The following GALK2 variants were observed in gnomAD, a reference collection of about 807,000 sequenced individuals.
The protein encoded by GALK2 is galactokinase 2.
A neutral mutation model predicts 52.4 loss-of-function variants in GALK2; 36 were observed. The observed-to-expected ratio is 0.69, with a 90% confidence interval of 0.53 to 0.91. GALK2 has a LOEUF of 0.91. Among genes scored for constraint, GALK2 ranks in the 40% least tolerant of loss-of-function variants. The pLI is 0.00. For missense variants in GALK2, 579 were observed against 559.1 expected (o/e 1.04, Z -0.36); for synonymous variants, 176 against 199.1 (o/e 0.88, Z 0.98).
At chr15:49,333,494 T>G (rs915883488), downstream of GALK2, among the ~76,000 whole-genome samples, 2 of 152,214 alleles carry the variant, frequency 1.3e-5, no homozygotes, top group Non-Finnish European at 2.9e-5. Context: ...CTATGTGGAT[T>G]TGATTTTTGG....
At chr15:49,213,296 A>G (rs1437653999) in intron 2 of GALK2, among the ~76,000 whole-genome samples, 2 of 152,190 alleles carry the variant, frequency 1.3e-5, no homozygotes, top group African/African-American at 4.8e-5. Context: ...ATTTATGCAT[A>G]ACTACTCTTG....
chr15:49,333,346 C>G (rs1388301911), downstream of GALK2, among the ~76,000 whole-genome samples: 2 of 152,150 alleles, frequency 1.3e-5, no homozygotes, highest in Non-Finnish European at 2.9e-5. Context: ...CTTTAACAAG[C>G]ACGTGAGATT....
chr15:49,296,832 C>T (rs1047681310), intron 8 of GALK2, among the ~76,000 whole-genome samples: 4 of 152,194 alleles, frequency 2.6e-5, no homozygotes, highest in Non-Finnish European at 5.9e-5. Flanking sequence ...AACTCCTGAC[C>T]TCGTGATTCA....
rs192210165 is a variant in GALK2, at chr15:49,277,604, T to C, written c.505-4383T>C. Among the ~76,000 whole-genome samples the C allele has an allele frequency of 5.9e-3, 875 of 148,990 alleles. 14 individuals are homozygous for C. Among genetic ancestry groups the C allele is most frequent in the African/African-American group, 0.02 (829 of 40,666 alleles). On this transcript the variant is annotated intron_variant, in intron 5 of 9. Transcript: ENST00000560031. ...CGAGGTCAGGAGATTGAGACCATCC[T>C]GGCTAACACAGTGAAACCCCGTCTC...
At chr15:49,214,496 A>ATT (rs35538212) in intron 2 of GALK2, among the ~76,000 whole-genome samples, 5 of 129,962 alleles carry the variant, frequency 3.8e-5, no homozygotes, top group African/African-American at 1.2e-4. Context: ...ACACCCGGCT[A>ATT]TTTTTTTTTT....
intron 5 of GALK2, among the ~76,000 whole-genome samples, chr15:49,247,916 T>C (rs113956002): frequency 5.3e-5 from 8 of 152,224 alleles, no homozygotes; most frequent in African/African-American, 1.9e-4. Context: ...ATTAGTTATA[T>C]AGACAGGGGT....
chr15:49,239,484 C>A, intron 5 of GALK2, 117 bp downstream of exon 5: 5 of 908,176 alleles, frequency 5.5e-6, no homozygotes, highest in Non-Finnish European at 8.5e-6. Flanking sequence ...AAGGACTGCA[C>A]ATGTGGGCAA....
chr15:49,299,606 T>G (rs995451301), intron 8 of GALK2, among the ~76,000 whole-genome samples: 1 of 152,142 alleles, frequency 6.6e-6, no homozygotes, highest in African/African-American at 2.4e-5. Flanking sequence ...TTTTACAGAA[T>G]TAATTTCATT....
intron 8 of GALK2, among the ~76,000 whole-genome samples, chr15:49,305,845 G>A (rs1440604225): frequency 6.6e-6 from 1 of 152,180 alleles, no homozygotes; most frequent in Non-Finnish European, 1.5e-5. Flanking sequence ...AAACACACCT[G>A]TGTGCATTCA....
At chr15:49,209,142 G>A (rs945222285) in intron 2 of GALK2, among the ~76,000 whole-genome samples, 1 of 152,094 alleles carries the variant, frequency 6.6e-6, no homozygotes, top group Non-Finnish European at 1.5e-5. Context: ...GAGCATTTGG[G>A]CCATTTACAT....
At position 49,354,879 on chromosome 15, in the gene GALK2, G is replaced by C. The variant is rs572473912; in HGVS notation, c.427-12612G>C. 4.3e-4 allele frequency among the ~76,000 whole-genome samples: 66 copies of C among 152,116 alleles called. 1 individual carries two copies. Among genetic ancestry groups the C allele is most frequent in the South Asian group, 1.7e-3 (8 of 4,812 alleles). On this transcript the variant is annotated intron_variant, in intron 3 of 3. Transcript: ENST00000558399. ...AAGAGAGCAGTGGTTCTCCCAGCATGCAGCTGGAGATCTGAGAACGGGCAG... is the reference window on the plus strand; with the variant it reads ...AAGAGAGCAGTGGTTCTCCCAGCATCCAGCTGGAGATCTGAGAACGGGCAG...
At chr15:49,268,182 T>C (rs1354437060) in intron 5 of GALK2, among the ~76,000 whole-genome samples, 1 of 152,168 alleles carries the variant, frequency 6.6e-6, no homozygotes, top group Non-Finnish European at 1.5e-5. Context: ...TCATGGAGCT[T>C]AGACTAATGG....
chr15:49,212,429 A>G (rs887156438), intron 2 of GALK2, among the ~76,000 whole-genome samples: 2 of 151,780 alleles, frequency 1.3e-5, no homozygotes, highest in African/African-American at 4.8e-5. Flanking sequence ...AGGTTTTTTG[A>G]TTTAGTTTAT....
chr15:49,163,429 GT>G (rs1230223778), intron 1 of GALK2, among the ~76,000 whole-genome samples: 1 of 152,050 alleles, frequency 6.6e-6, no homozygotes, highest in African/African-American at 2.4e-5. Flanking sequence ...TTTCACTTAT[GT>G]TTTTTTCTGG....
intron 5 of GALK2, among the ~76,000 whole-genome samples, chr15:49,250,814 G>T (rs184027802): frequency 2.0e-5 from 3 of 152,028 alleles, no homozygotes; most frequent in African/African-American, 7.2e-5. Context: ...TTTTAAATAA[G>T]TTGACAGATT....
chr15:49,328,476 G>T lies in GALK2; in HGVS notation c.*317G>T. 6.5e-7 allele frequency: 1 copy of T among 1,542,136 alleles called. No homozygotes were observed. On this transcript the variant is annotated 3_prime_UTR_variant, in exon 10 of 10. Coordinates refer to ENST00000560031, the MANE Select transcript of GALK2 (RefSeq NM_002044.4). ...ACACACTCTTAATACTGATTACATG[G>T]ATTGGACTTGAATTAAATATATTGT...
intron 9 of GALK2, among the ~76,000 whole-genome samples, 157 bp downstream of exon 9, chr15:49,319,962 C>T (rs527328874): frequency 6.6e-6 from 1 of 152,266 alleles, no homozygotes; most frequent in South Asian, 2.1e-4. Context: ...TTGTTCCCTT[C>T]TAAATACCTG....
At chr15:49,200,711 A>T (rs1372474178) in intron 1 of GALK2, among the ~76,000 whole-genome samples, 1 of 152,190 alleles carries the variant, frequency 6.6e-6, no homozygotes, top group Non-Finnish European at 1.5e-5. Context: ...AATTGTGATT[A>T]TAAATCTCTG....
intron 3 of GALK2, among the ~76,000 whole-genome samples, chr15:49,363,006 T>C (rs1596551779): frequency 6.6e-6 from 1 of 152,360 alleles, no homozygotes; most frequent in Middle Eastern, 3.4e-3. Context: ...ATCAGTGCCA[T>C]GCTGTTTTGG....
Sources: allele counts gnomAD v4.1 joint callset (sites outside exome capture counted in the v4.1 genomes callset), GRCh38; gene constraint gnomAD v4.1.1; transcripts MANE v1.5; gene names NCBI Gene and HGNC (gene_info 2026-07-23, HGNC 2026-07-21).